The following ZNF335 variants were observed in gnomAD, a reference collection of about 807,000 sequenced individuals.
ZNF335 encodes the protein NRC-interacting factor 1.
Under a neutral mutation model 145.6 loss-of-function variants are expected in ZNF335, and 84 were observed. That is an observed-to-expected ratio of 0.58 (90% confidence interval 0.48 to 0.69). The LOEUF (loss-of-function observed/expected upper bound fraction) is 0.69, where lower values mean the gene tolerates loss of function less well. Ranked by LOEUF, ZNF335 falls within the 30% of genes least tolerant of loss-of-function variation. The probability of loss-of-function intolerance (pLI) is 0.00; values close to 1 mark genes in which losing one functional copy is unlikely to be tolerated. For missense variants in ZNF335, 1,865 were observed against 1,809.7 expected (o/e 1.03, Z -0.55); for synonymous variants, 761 against 717.0 (o/e 1.06, Z -0.98).
Position 45,963,988 on chromosome 20 carries a change from C to T in ZNF335, c.1105G>A (p.Val369Met). ...RLEISDLPDGVEGEPLVSSQS... is the reference protein window; with the variant it reads ...RLEISDLPDGMEGEPLVSSQS... The stretch of plus-strand genomic sequence containing the variant: ...GAACTCACTAGAGGCTCTCCTTCCA[C>T]ACCTGCCACGGACATGCCAGGTCAC... Residue 369 changes from valine (V) to methionine (M), a missense_variant and splice_region_variant, in exon 8 of 28, where the codon GTG becomes ATG. Transcript: ENST00000322927. 6.6e-7 allele frequency: 1 copy of T among 1,517,212 alleles called. No individual in the cohort carries two copies. The highest frequency in any genetic ancestry group is 8.8e-7 in the Non-Finnish European group (1 of 1,134,462). 94.0% of individuals were successfully genotyped at this position (1,517,212 alleles called of 1,614,324 possible). A position where few individuals can be genotyped will look rare whatever the true frequency, so the allele number is the denominator to read the frequency against.
chr20:45,949,533 G>A lies in ZNF335; in HGVS notation c.3705C>T (p.His1235=), dbSNP rs1218820544. 8 of 1,613,454 alleles carry A rather than the reference G, an allele frequency of 5.0e-6. No individual in the cohort carries two copies. Among genetic ancestry groups the A allele is most frequent in the East Asian group, 4.5e-5 (2 of 44,874 alleles). The change falls in exon 25 of 28, where the codon CAC becomes CAT. Residue 1235 remains histidine, a synonymous_variant. Coordinates refer to ENST00000322927, the MANE Select transcript of ZNF335 (RefSeq NM_022095.4). ...QYIISQDGVQ[H]LLPQEYVVVP... ...CCACAACATATTCCTGGGGGAGCAG[G>A]TGCTGGACACCATCCTGGGAGATGA...
Position 45,967,787 on chromosome 20 carries a change from C to T in ZNF335, c.761G>A (p.Ser254Asn), listed in dbSNP as rs376925321. ...GCGCAGCAGTGTGGCCTTGGTGCTG[C>T]TCCGGTACTGGCACATCTTGCATTT... ...QFKCKMCQYR[S>N]STKATLLRHM... The change falls in exon 5 of 28, where the codon AGC becomes AAC. Residue 254 changes from serine to asparagine, a missense_variant. By Grantham distance (46) the Ser-to-Asn change is conservative (BLOSUM62 1). Transcript: ENST00000322927. The T allele has an allele frequency of 1.7e-5, 28 of 1,613,622 alleles. No homozygotes were observed. Among genetic ancestry groups the T allele is most frequent in the Non-Finnish European group, 2.2e-5 (26 of 1,180,022 alleles).
rs553999935 is a variant in ZNF335, at chr20:45,971,239, G to C, written c.172C>G (p.Gln58Glu). The C allele has an allele frequency of 5.8e-6, 9 of 1,550,890 alleles. No individual in the cohort carries two copies. The African/African-American group carries it at 8.2e-5, about 14-fold the overall frequency. The change falls in exon 2 of 28, where the codon CAA (glutamine) becomes GAA (glutamate). Residue 58 changes from glutamine (Q) to glutamate (E), a missense_variant. Gln to Glu is a conservative substitution (Grantham distance 29, BLOSUM62 2). Transcript: ENST00000322927. Reference protein sequence around the residue: ...QAEADDSGVGQSSDRGSRSQE... With the variant: ...QAEADDSGVGESSDRGSRSQE... Reference sequence around the variant, plus strand: ...GAACGGCTGCCGCGGTCCGAGCTTTGCCCCACGCCAGAGTCATCGGCCTCT... The same window carrying C: ...GAACGGCTGCCGCGGTCCGAGCTTTCCCCCACGCCAGAGTCATCGGCCTCT...
At position 45,957,638 on chromosome 20, in the gene ZNF335, T is replaced by G. The variant is rs751611191; in HGVS notation, c.2390A>C (p.Asp797Ala). 2 of 1,614,150 alleles carry G rather than the reference T, an allele frequency of 1.2e-6. No homozygotes were observed. Among genetic ancestry groups the G allele is most frequent in the South Asian group, 2.2e-5 (2 of 91,078 alleles). ...STAMATQTAL[D>A]LLLNMSAQRE... ...CTGAGCACTCATGTTCAGCAGAAGA[T>G]CCAAGGCTGTCTGCGTGGCCATCGC... The change falls in exon 17 of 28, where the codon GAT becomes GCT. Residue 797 changes from aspartate (D) to alanine (A), a missense_variant. Transcript: ENST00000322927.
chr20:45,953,469 A>G (rs1287148067), intron 18 of ZNF335, among the ~76,000 whole-genome samples: 1 of 152,194 alleles, frequency 6.6e-6, no homozygotes, highest in Non-Finnish European at 1.5e-5. Flanking sequence ...TCTCATGGGA[A>G]TGGCTTAGGT....
rs897067069 is a variant in ZNF335 at position 45,952,715 on chromosome 20, G to A, written c.2703-6C>T. 1 of 1,613,146 alleles carries A rather than the reference G, an allele frequency of 6.2e-7. No homozygotes were observed. The highest frequency in any genetic ancestry group is 1.7e-5 in the Admixed American group (1 of 59,962). On this transcript the variant is annotated splice_polypyrimidine_tract_variant and splice_region_variant and intron_variant, in intron 18 of 27. Transcript: ENST00000322927. ...CCTCTCCTGCGGGCTCCTCGCTGTG[G>A]GCATGGAGAAGGTTCTAGGAGAAGA...
intron 20 of ZNF335, among the ~76,000 whole-genome samples, chr20:45,951,582 T>C (rs1288176067): frequency 6.6e-6 from 1 of 152,090 alleles, no homozygotes; most frequent in Non-Finnish European, 1.5e-5. Flanking sequence ...TTAGAAGGAG[T>C]GTGTGACCTA....
chr20:45,961,915 G>A, intron 10 of ZNF335, 155 bp downstream of exon 10: 1 of 632,214 alleles, frequency 1.6e-6, no homozygotes, highest in Non-Finnish European at 2.8e-6. Flanking sequence ...AATGAACTGG[G>A]GTGAACTGCC....
In ZNF335 at chr20:45,972,056, C is replaced by A. The variant is rs1003426377; in HGVS notation, c.-51+66G>T. Reference sequence around the variant, plus strand: ...GGCCTGGGACCTCGCCTCCGGGTATCCCCGCAGTGTGACCTCACTCCACGG... The same window carrying A: ...GGCCTGGGACCTCGCCTCCGGGTATACCCGCAGTGTGACCTCACTCCACGG... On this transcript the variant is annotated intron_variant, in intron 1 of 27. Transcript: ENST00000322927. The A allele has an allele frequency of 7.1e-6, 9 of 1,269,828 alleles. No homozygotes were observed. The Admixed American group carries it at 2.2e-4, about 31-fold the overall frequency. The allele number at this position is 1,269,828 out of a possible 1,614,324, so 78.7% of individuals were successfully genotyped here.
chr20:45,962,301 C>A lies in ZNF335; in HGVS notation c.1534-119G>T, dbSNP rs528685068. The A allele has an allele frequency of 9.9e-5, 78 of 787,414 alleles. No homozygotes were observed. In the East Asian group the frequency reaches 1.6e-3, roughly 17 times the overall value. The allele number at this position is 787,414 out of a possible 1,614,324, so 48.8% of individuals were successfully genotyped here. ...GCGGGAGCAGCTCACAGAACACAGG[C>A]ATGTGGACAACACACCCCGACGCAA... On this transcript the variant is annotated intron_variant, in intron 9 of 27. Coordinates refer to ENST00000322927, the MANE Select transcript of ZNF335 (RefSeq NM_022095.4).
Position 45,953,687 on chromosome 20 carries a change from A to G in ZNF335, c.2702+2T>C. ...AGGGGCCTTGCAGGCAGCAGGTCTC[A>G]CCTGTAAGGTGTGCCAGGAGCTGAT... is the stretch of plus-strand genomic sequence containing the variant. On this transcript the variant is annotated splice_donor_variant, in intron 18 of 27. Coordinates refer to ENST00000322927, the MANE Select transcript of ZNF335 (RefSeq NM_022095.4). LOFTEE classifies it high-confidence loss of function. 2 of 1,613,712 alleles carry G rather than the reference A, an allele frequency of 1.2e-6. No homozygotes were observed. The highest frequency in any genetic ancestry group is 1.7e-6 in the Non-Finnish European group (2 of 1,179,776).
intron 17 of ZNF335, among the ~76,000 whole-genome samples, chr20:45,954,503 G>A (rs775744007): frequency 4.6e-5 from 7 of 152,150 alleles, no homozygotes; most frequent in Non-Finnish European, 1.0e-4. Context: ...GGGACAGGGA[G>A]ATTTTTCTAA....
In ZNF335 at chr20:45,949,015, G is replaced by A. The variant is rs533218165; in HGVS notation, c.3967C>T (p.His1323Tyr). The part of the protein sequence containing the change: ...LFGTDETVPE[H>Y]IQQLQHQGIE... Reference sequence around the variant, plus strand: ...CCCTGGTGCTGCAGCTGTTGAATGTGTTCGGGCACTGTCTCGTCTGTACCA... The same window carrying A: ...CCCTGGTGCTGCAGCTGTTGAATGTATTCGGGCACTGTCTCGTCTGTACCA... Residue 1323 changes from histidine to tyrosine, a missense_variant, in exon 28 of 28, where the codon CAC becomes TAC. His to Tyr is a moderately conservative substitution (Grantham distance 83, BLOSUM62 2). Transcript: ENST00000322927. 1.5e-5 allele frequency: 25 copies of A among 1,613,962 alleles called. No individual in the cohort carries two copies. In the South Asian group the frequency reaches 2.7e-4, roughly 18 times the overall value.
chr20:45,960,863 C>T lies in ZNF335; in HGVS notation c.1665+1G>A. On this transcript the variant is annotated splice_donor_variant, in intron 11 of 27. Coordinates refer to ENST00000322927, the MANE Select transcript of ZNF335 (RefSeq NM_022095.4). LOFTEE classifies it high-confidence loss of function. ...TTCCCAGGCCAGCACGCCAGACTCA[C>T]CGGATCTGGCCTCTTCTTCCTGTGG... is the stretch of plus-strand genomic sequence containing the variant. 6.2e-7 allele frequency: 1 copy of T among 1,613,956 alleles called. No homozygotes were observed. The highest frequency in any genetic ancestry group is 8.5e-7 in the Non-Finnish European group (1 of 1,179,960).
Position 45,950,468 on chromosome 20 carries a change from T to A in ZNF335, c.3317A>T (p.His1106Leu). The A allele has an allele frequency of 6.2e-7, 1 of 1,614,142 alleles. No individual in the cohort carries two copies. Among genetic ancestry groups the A allele is most frequent in the Non-Finnish European group, 8.5e-7 (1 of 1,180,016 alleles). ...THTKEKPFAC[H>L]LCGQRFNRNG... Reference sequence around the variant, plus strand: ...CTGGCCTCACCGCTGCCCGCAGAGGTGGCATGCAAAAGGCTTCTCCTTTGT... The same window carrying A: ...CTGGCCTCACCGCTGCCCGCAGAGGAGGCATGCAAAAGGCTTCTCCTTTGT... The change falls in exon 21 of 28, where the codon CAC (histidine) becomes CTC (leucine). Residue 1106 changes from histidine (H) to leucine (L), a missense_variant. His to Leu is a moderately conservative substitution (Grantham distance 99). Coordinates refer to ENST00000322927, the MANE Select transcript of ZNF335 (RefSeq NM_022095.4).
rs768353545 is a variant in ZNF335, at chr20:45,963,741, C to T, written c.1352G>A (p.Arg451His). The change falls in exon 8 of 28, where the codon CGC (arginine) becomes CAC (histidine). Residue 451 changes from arginine to histidine, a missense_variant. Coordinates refer to ENST00000322927, the MANE Select transcript of ZNF335 (RefSeq NM_022095.4). ...PSRRFLGKKY[R>H]KYYYKSPKPL... is the part of the protein sequence containing the mutation. ...CCCTCACCTCTGCTCCACATACTTG[C>T]GGTATTTCTTGCCTAGGAAGCGCCT... 4.0e-5 allele frequency: 65 copies of T among 1,613,964 alleles called. No individual in the cohort carries two copies. Among genetic ancestry groups the T allele is most frequent in the African/African-American group, 6.7e-5 (5 of 74,910 alleles).
At chr20:45,953,645 AC>A in intron 18 of ZNF335, 43 bp downstream of exon 18, 1 of 1,605,264 alleles carries the variant, frequency 6.2e-7, no homozygotes, top group Non-Finnish European at 8.5e-7. Context: ...GACCGACCAC[AC>A]CTACAAAAAG....
intron 9 of ZNF335, 51 bp downstream of exon 9, chr20:45,963,422 G>A (rs1290785237): frequency 6.4e-7 from 1 of 1,573,490 alleles, no homozygotes; most frequent in Admixed American, 1.8e-5. Context: ...GCTGGCCTCT[G>A]CTTGCCTTCT....
Position 45,963,759 on chromosome 20 carries a change from A to T in ZNF335, c.1334T>A (p.Phe445Tyr). Reference sequence around the variant, plus strand: ...ATACTTGCGGTATTTCTTGCCTAGGAAGCGCCTGGAAGGTCGACCTCGGCG... The same window carrying T: ...ATACTTGCGGTATTTCTTGCCTAGGTAGCGCCTGGAAGGTCGACCTCGGCG... ...PRRRGRPSRR[F>Y]LGKKYRKYYY... The change falls in exon 8 of 28, where the codon TTC (phenylalanine) becomes TAC (tyrosine). Residue 445 changes from phenylalanine to tyrosine, a missense_variant. Phe to Tyr is a conservative substitution (Grantham distance 22). Transcript: ENST00000322927. 1 of 1,614,094 alleles carries T rather than the reference A, an allele frequency of 6.2e-7. No homozygotes were observed. Among genetic ancestry groups the T allele is most frequent in the Non-Finnish European group, 8.5e-7 (1 of 1,179,976 alleles).
Sources: allele counts gnomAD v4.1 joint callset (sites outside exome capture counted in the v4.1 genomes callset), GRCh38; gene constraint gnomAD v4.1.1; transcripts MANE v1.5; gene names NCBI Gene and HGNC (gene_info 2026-07-23, HGNC 2026-07-21).